PHF21B: variants seen among roughly 807,000 people sequenced by gnomAD.
PHF21B encodes the protein PHD finger protein 4.
PHF21B carries 22 observed loss-of-function variants against 62.2 expected under a neutral mutation model. The ratio of observed to expected loss-of-function variants is 0.35; its 90% CI spans 0.25 to 0.51. The LOEUF is 0.51. Among genes scored for constraint, PHF21B ranks in the 20% least tolerant of loss-of-function variants. The pLI, the probability that PHF21B is intolerant of heterozygous loss-of-function variation, is 0.97. For missense variants in PHF21B, 701 were observed against 707.9 expected, an observed-to-expected ratio of 0.99 and a Z score of 0.11; for synonymous variants, 341 against 314.7, an observed-to-expected ratio of 1.08 and a Z score of -0.88.
chr22:44,964,547 T>C (rs1176787505), intron 2 of PHF21B, among the ~76,000 whole-genome samples: 2 of 152,252 alleles, frequency 1.3e-5, no homozygotes, highest in Admixed American at 6.5e-5. Flanking sequence ...CGGCTCAGCA[T>C]TTAAATGACC....
At chr22:44,899,394 G>A (rs577175299) in intron 5 of PHF21B, among the ~76,000 whole-genome samples, 4 of 144,960 alleles carry the variant, frequency 2.8e-5, no homozygotes, top group Non-Finnish European at 6.0e-5. Context: ...GGTTTCAACC[G>A]ATTCTCTTGC....
At chr22:44,884,116 T>TCAC (rs142366383) in intron 12 of PHF21B, among the ~76,000 whole-genome samples, 578 of 50,248 alleles carry the variant, frequency 0.012, 12 homozygotes, top group South Asian at 0.04. Flanking sequence ...ATCAGCACCA[T>TCAC]CACCATCATG....
At chr22:44,888,913 C>T (rs774690865) in intron 9 of PHF21B, among the ~76,000 whole-genome samples, 111 of 152,332 alleles carry the variant, frequency 7.3e-4, no homozygotes, top group Non-Finnish European at 1.4e-3. Context: ...AGCCGAGGCC[C>T]TCTCCAAGTC....
chr22:44,952,788 G>A (rs1300664761), intron 2 of PHF21B, among the ~76,000 whole-genome samples: 1 of 152,186 alleles, frequency 6.6e-6, no homozygotes, highest in African/African-American at 2.4e-5. Context: ...TAACCCCAGA[G>A]GTTCAGAGAC....
chr22:44,893,886 C>A (rs1008585343), intron 6 of PHF21B, among the ~76,000 whole-genome samples: 27 of 152,222 alleles, frequency 1.8e-4, no homozygotes, highest in Non-Finnish European at 3.5e-4. Context: ...TTGGGTGATA[C>A]CCACTGGTCC....
chr22:44,957,516 C>T (rs748289479), intron 2 of PHF21B, among the ~76,000 whole-genome samples: 6 of 152,164 alleles, frequency 3.9e-5, no homozygotes, highest in African/African-American at 7.2e-5. Flanking sequence ...ATTTAAATAA[C>T]GTATGCACAG....
chr22:44,896,880 G>GTTTTTTTTTTTTTTTTTTTTT lies in PHF21B; in HGVS notation c.832-798_832-797insAAAAAAAAAAAAAAAAAAAAA, dbSNP rs56878868. ...AACAGGGTGGCACTTAGTTTTATCTGTTTTTTTTTTTTTTTTGAGACAGGT... is the reference window on the plus strand; with the variant it reads ...AACAGGGTGGCACTTAGTTTTATCTGTTTTTTTTTTTTTTTTTTTTTTTTTTTTTTTTTTTTTGAGACAGGT... On this transcript the variant is annotated intron_variant, in intron 5 of 12. Coordinates refer to ENST00000313237, the MANE Select transcript of PHF21B (RefSeq NM_138415.5). Among the ~76,000 whole-genome samples, 32 of 84,038 alleles carry GTTTTTTTTTTTTTTTTTTTTT rather than the reference G, an allele frequency of 3.8e-4. 1 individual carries two copies. Among genetic ancestry groups the GTTTTTTTTTTTTTTTTTTTTT allele is most frequent in the African/African-American group, 9.1e-4 (22 of 24,240 alleles). 55.1% of individuals were successfully genotyped at this position (84,038 alleles called of 152,430 possible).
intron 2 of PHF21B, among the ~76,000 whole-genome samples, chr22:44,939,750 CT>C (rs1284222292): frequency 2.6e-5 from 4 of 152,066 alleles, no homozygotes; most frequent in Non-Finnish European, 5.9e-5. Flanking sequence ...CAAAGGCCAC[CT>C]GCAGGAGGGT....
intron 2 of PHF21B, among the ~76,000 whole-genome samples, chr22:44,929,107 C>A (rs2071690944): frequency 6.6e-6 from 1 of 152,248 alleles, no homozygotes; most frequent in African/African-American, 2.4e-5. Context: ...ATTTTCCTTG[C>A]ATCTTTAGAG....
At chr22:44,905,341 C>A (rs951927016) in intron 5 of PHF21B, among the ~76,000 whole-genome samples, 1 of 152,200 alleles carries the variant, frequency 6.6e-6, no homozygotes, top group African/African-American at 2.4e-5. Flanking sequence ...GTCATCTCAT[C>A]GCCATGTTTG....
In PHF21B at chr22:45,009,842, G is replaced by T. The variant is rs952166812; in HGVS notation, c.-293C>A. ...CCCGGAGCATGGCCCCCCCGGCGCC[G>T]GGAGCCCCGCGCAGCCCCGCGCGCG... On this transcript the variant is annotated 5_prime_UTR_variant, in exon 1 of 13. Coordinates refer to ENST00000313237, the MANE Select transcript of PHF21B (RefSeq NM_138415.5). This position sits in a 1 kb window ranked among gnomAD's most constrained non-coding sequence, Gnocchi z 5.9. 1.4e-5 allele frequency: 2 copies of T among 146,766 alleles called. No homozygotes were observed. Among genetic ancestry groups the T allele is most frequent in the South Asian group, 1.8e-4 (1 of 5,584 alleles). 9.1% of individuals were successfully genotyped at this position (146,766 alleles called of 1,614,324 possible).
At chr22:44,994,304 C>T (rs1298577334) in intron 2 of PHF21B, among the ~76,000 whole-genome samples, 2 of 152,188 alleles carry the variant, frequency 1.3e-5, no homozygotes, top group African/African-American at 2.4e-5. Context: ...ACCCTAAATC[C>T]CATGACTGGC....
At chr22:44,886,291 T>A (rs186491217) in intron 10 of PHF21B, among the ~76,000 whole-genome samples, 51 of 147,590 alleles carry the variant, frequency 3.5e-4, no homozygotes. Flanking sequence ...AGACTCGATG[T>A]CCCCCACACT....
chr22:44,977,672 G>A (rs888622259), intron 2 of PHF21B, among the ~76,000 whole-genome samples: 4 of 151,562 alleles, frequency 2.6e-5, no homozygotes, highest in Non-Finnish European at 4.4e-5. Flanking sequence ...TCAACCTCCT[G>A]GGCTCAGGCG....
At chr22:44,909,942 G>T (rs1009694226) in intron 5 of PHF21B, among the ~76,000 whole-genome samples, 3 of 152,132 alleles carry the variant, frequency 2.0e-5, no homozygotes, top group African/African-American at 7.2e-5. Context: ...TTTTGAACCC[G>T]TTAGAGTCCT....
At chr22:44,986,956 G>A (rs572991656) in intron 2 of PHF21B, among the ~76,000 whole-genome samples, 2 of 152,310 alleles carry the variant, frequency 1.3e-5, no homozygotes, top group South Asian at 2.1e-4. Context: ...TGCAGGTGGG[G>A]ATCCAGGCCC....
At chr22:44,934,397 C>T (rs1055922904) in intron 2 of PHF21B, among the ~76,000 whole-genome samples, 4 of 152,218 alleles carry the variant, frequency 2.6e-5, no homozygotes, top group East Asian at 1.9e-4. Flanking sequence ...TCCTTACAGA[C>T]GTCCACATCC....
In PHF21B at chr22:45,009,775, C is replaced by A. The variant is rs1341698160; in HGVS notation, c.-226G>T. On this transcript the variant is annotated 5_prime_UTR_variant, in exon 1 of 13. Coordinates refer to ENST00000313237, the MANE Select transcript of PHF21B (RefSeq NM_138415.5). The surrounding 1 kb of genome is among the most constrained non-coding windows in gnomAD (Gnocchi z 5.9). The stretch of plus-strand genomic sequence containing the variant: ...CCCTCGGCTGCCCCAACTCCTCAGG[C>A]TGCCCGGCAAGTTGCGCCGGGTCCC... The A allele has an allele frequency of 3.3e-6, 1 of 301,978 alleles. No individual in the cohort carries two copies. Among genetic ancestry groups the A allele is most frequent in the Non-Finnish European group, 6.1e-6 (1 of 164,506 alleles). 18.7% of individuals were successfully genotyped at this position (301,978 alleles called of 1,614,324 possible). A position where few individuals can be genotyped will look rare whatever the true frequency, so the allele number is the denominator to read the frequency against.
chr22:44,915,772 C>T lies in PHF21B; in HGVS notation c.564+508G>A, dbSNP rs4487191. Among the ~76,000 whole-genome samples, 1,354 of 152,290 alleles carry T rather than the reference C, an allele frequency of 8.9e-3. 18 individuals carry two copies. Among genetic ancestry groups the T allele is most frequent in the African/African-American group, 0.03 (1,254 of 41,544 alleles). Reference sequence around the variant, plus strand: ...GCCCCGAAGGCCTCAAACAGCACAACCACCAGGAGCTCGGAGGGGAGCAGC... The same window carrying T: ...GCCCCGAAGGCCTCAAACAGCACAATCACCAGGAGCTCGGAGGGGAGCAGC... On this transcript the variant is annotated intron_variant, in intron 4 of 12. Coordinates refer to ENST00000313237, the MANE Select transcript of PHF21B (RefSeq NM_138415.5).
Sources: allele counts gnomAD v4.1 joint callset (sites outside exome capture counted in the v4.1 genomes callset), GRCh38; gene constraint gnomAD v4.1.1; non-coding constraint Gnocchi (gnomAD v3.1); transcripts MANE v1.5; gene names NCBI Gene and HGNC (gene_info 2026-07-23, HGNC 2026-07-21).